MAP6: variants seen among roughly 807,000 people sequenced by gnomAD.
The protein encoded by MAP6 is microtubule associated protein 6.
In MAP6, 26 loss-of-function variants were observed where a neutral mutation model predicts 42.4. The ratio of observed to expected loss-of-function variants is 0.61; its 90% CI spans 0.45 to 0.85. The LOEUF (loss-of-function observed/expected upper bound fraction) is 0.85. MAP6 is among the 40% of genes least tolerant of loss of function. The pLI is 0.00. For synonymous variants in MAP6, 418 were observed against 443.8 expected, an observed-to-expected ratio of 0.94 and a Z score of 0.73; for missense variants, 966 against 1,099.0, an observed-to-expected ratio of 0.88 and a Z score of 1.71.
rs1210068767 is a variant in MAP6, at chr11:75,587,125, G to A, written c.2376C>T (p.Val792=). 6.2e-7 allele frequency: 1 copy of A among 1,613,524 alleles called. No homozygotes were observed. Among genetic ancestry groups the A allele is most frequent in the Non-Finnish European group, 8.5e-7 (1 of 1,179,520 alleles). Residue 792 remains valine (V), a synonymous_variant, in exon 4 of 4, where the codon GTC becomes GTT. Transcript: ENST00000304771. ...GGATCATGACTCGGGGTAGAGGTGA[G>A]ACAGTAGGTAGCTGAGGGTCCCTGG... ...QGPRDPQLPT[V]SPLPRVMIPT...
chr11:75,587,537 G>A lies in MAP6; in HGVS notation c.1964C>T (p.Thr655Ile). 6.2e-7 allele frequency: 1 copy of A among 1,614,178 alleles called. No individual in the cohort carries two copies. The highest frequency in any genetic ancestry group is 8.5e-7 in the Non-Finnish European group (1 of 1,180,032). ...GGAACCTTGATTCTTTATGGGTGCT[G>A]TGGCCATGGCACTTTCATCCTTCGG... ...EHPKDESAMA[T>I]APIKNQGSMV... Residue 655 changes from threonine to isoleucine, a missense_variant, in exon 4 of 4, where the codon ACA becomes ATA. Physicochemically the swap from Thr to Ile is moderately conservative, Grantham distance 89. This residue lies in a region of MAP6 where 943 missense variants were observed against 1,049.9 expected (regional missense o/e 0.90). Transcript: ENST00000304771.
Position 75,599,817 on chromosome 11 carries a change from T to C in MAP6, c.1316+5991A>G, listed in dbSNP as rs527281383. Among the ~76,000 whole-genome samples, 6 of 152,322 alleles carry C rather than the reference T, an allele frequency of 3.9e-5. No homozygotes were observed. In the East Asian group the frequency reaches 1.2e-3, roughly 29 times the overall value. ...TGGAAGCCTGGATTCCAGTGCTTTCTCCATCTTCTAAGCCTGACCAAGCTG... is the reference window on the plus strand; with the variant it reads ...TGGAAGCCTGGATTCCAGTGCTTTCCCCATCTTCTAAGCCTGACCAAGCTG... On this transcript the variant is annotated intron_variant, in intron 3 of 3. Transcript: ENST00000304771.
At chr11:75,623,044 C>T (rs1192390254) in intron 1 of MAP6, among the ~76,000 whole-genome samples, 1 of 151,888 alleles carries the variant, frequency 6.6e-6, no homozygotes, top group Non-Finnish European at 1.5e-5. Flanking sequence ...ATCATCATAC[C>T]ATTGGCTCAC....
intron 3 of MAP6, among the ~76,000 whole-genome samples, chr11:75,595,961 G>A (rs1565253659): frequency 6.6e-6 from 1 of 152,094 alleles, no homozygotes; most frequent in African/African-American, 2.4e-5. Flanking sequence ...CATAGGGCTG[G>A]CACATGGTAG....
At chr11:75,606,132 A>G (rs1318219198) in intron 2 of MAP6, 128 bp from the exon 3 acceptor site, 11 of 1,094,600 alleles carry the variant, frequency 1.0e-5, no homozygotes, top group Admixed American at 4.5e-5. Context: ...GGTGGAGCAC[A>G]GTGCATAAGG....
chr11:75,615,042 T>C (rs1406181728), intron 1 of MAP6, among the ~76,000 whole-genome samples: 1 of 152,146 alleles, frequency 6.6e-6, no homozygotes, highest in Non-Finnish European at 1.5e-5. Flanking sequence ...TGGATCCAGG[T>C]CATAAGCAGA....
chr11:75,642,232 G>T (rs780165567), intron 1 of MAP6, among the ~76,000 whole-genome samples: 2 of 152,180 alleles, frequency 1.3e-5, no homozygotes, highest in African/African-American at 2.4e-5. Context: ...ACTGAAATTT[G>T]CCATAGTGGG....
At chr11:75,641,350 G>A (rs985629484) in intron 1 of MAP6, among the ~76,000 whole-genome samples, 7 of 121,078 alleles carry the variant, frequency 5.8e-5, no homozygotes, top group South Asian at 3.4e-4. Flanking sequence ...GGGGGGAGGG[G>A]GAGGGATAGC....
Position 75,668,433 on chromosome 11 carries a change from T to C in MAP6, c.-64A>G. On this transcript the variant is annotated 5_prime_UTR_variant, in exon 1 of 4. Transcript: ENST00000304771. ...GGTTCTAAAGCAAGTCTCTATAATC[T>C]TCCTTCAGCCTCCGATCCTGACCGG... 1 of 1,505,242 alleles carries C rather than the reference T, an allele frequency of 6.6e-7. No homozygotes were observed. The allele number at this position is 1,505,242 out of a possible 1,614,324, so 93.2% of individuals were successfully genotyped here. A position where few individuals can be genotyped will look rare whatever the true frequency, so the allele number is the denominator to read the frequency against.
intron 1 of MAP6, among the ~76,000 whole-genome samples, chr11:75,628,302 CAG>C (rs1943230454): frequency 1.3e-5 from 2 of 152,094 alleles, no homozygotes; most frequent in Admixed American, 6.6e-5. Flanking sequence ...TGGGAGCAGC[CAG>C]AGAGATTCAC....
At chr11:75,652,061 C>A (rs1405185363) in intron 1 of MAP6, among the ~76,000 whole-genome samples, 1 of 152,176 alleles carries the variant, frequency 6.6e-6, no homozygotes, top group African/African-American at 2.4e-5. Flanking sequence ...AAAAATTATT[C>A]TCATTAGCAG....
At chr11:75,644,373 G>A (rs1331100668) in intron 1 of MAP6, among the ~76,000 whole-genome samples, 1 of 152,050 alleles carries the variant, frequency 6.6e-6, no homozygotes, top group Non-Finnish European at 1.5e-5. Flanking sequence ...ACACAAAGCT[G>A]TTACCATTAT....
intron 1 of MAP6, among the ~76,000 whole-genome samples, chr11:75,647,734 G>A (rs981215267): frequency 3.3e-5 from 5 of 152,188 alleles, no homozygotes; most frequent in Non-Finnish European, 5.9e-5. Flanking sequence ...TTAATCCTCA[G>A]ATTAATCTAT....
At chr11:75,638,331 TC>T (rs1411819363) in intron 1 of MAP6, among the ~76,000 whole-genome samples, 1 of 152,214 alleles carries the variant, frequency 6.6e-6, no homozygotes, top group African/African-American at 2.4e-5. Flanking sequence ...TATCTTGATC[TC>T]CCTGGCAGGT....
chr11:75,621,062 C>T (rs987720730), intron 1 of MAP6, among the ~76,000 whole-genome samples: 10 of 150,802 alleles, frequency 6.6e-5, no homozygotes, highest in African/African-American at 2.2e-4. Flanking sequence ...ACCCAGGAGG[C>T]GGAGCTTGCA....
intron 3 of MAP6, among the ~76,000 whole-genome samples, chr11:75,593,781 C>T (rs1942523935): frequency 6.6e-6 from 1 of 152,198 alleles, no homozygotes; most frequent in Non-Finnish European, 1.5e-5. Flanking sequence ...AGGCTTGGTG[C>T]CAGACGTTTT....
At position 75,591,246 on chromosome 11, in the gene MAP6, T is replaced by C. The variant is rs570213689; in HGVS notation, c.1317-3062A>G. ...TTATTTAAAATTATTCATAATTTAA[T>C]TTATATTTAGGGTAATTGAATTAAG... On this transcript the variant is annotated intron_variant, in intron 3 of 3. Coordinates refer to ENST00000304771, the MANE Select transcript of MAP6 (RefSeq NM_033063.2). 1.4e-4 allele frequency among the ~76,000 whole-genome samples: 21 copies of C among 152,316 alleles called. No individual in the cohort carries two copies. The East Asian group carries it at 4.0e-3, about 29-fold the overall frequency.
chr11:75,619,220 G>T (rs1251798980), intron 1 of MAP6, among the ~76,000 whole-genome samples: 1 of 152,080 alleles, frequency 6.6e-6, no homozygotes, highest in Non-Finnish European at 1.5e-5. Flanking sequence ...TTGTAAAAAA[G>T]AGAAAAATCT....
chr11:75,665,629 T>G (rs1157364499), intron 1 of MAP6, among the ~76,000 whole-genome samples: 1 of 152,226 alleles, frequency 6.6e-6, no homozygotes, highest in African/African-American at 2.4e-5. Context: ...AAGTAGGGTC[T>G]TGAAGCAAGC....
Sources: allele counts gnomAD v4.1 joint callset (sites outside exome capture counted in the v4.1 genomes callset), GRCh38; gene constraint gnomAD v4.1.1; regional missense constraint gnomAD v4.1.1; transcripts MANE v1.5; gene names NCBI Gene and HGNC (gene_info 2026-07-23, HGNC 2026-07-21).